KIF21A: variants seen among roughly 807,000 people sequenced by gnomAD.
KIF21A encodes kinesin-like protein KIF21A.
A neutral mutation model predicts 202.9 loss-of-function variants in KIF21A; 114 were observed. The ratio of observed to expected loss-of-function variants is 0.56; its 90% confidence interval spans 0.48 to 0.66. The LOEUF (loss-of-function observed/expected upper bound fraction) is 0.66. KIF21A is among the 30% of genes least tolerant of loss of function. KIF21A has a pLI of 0.00. For missense variants in KIF21A, 1,677 were observed against 1,994.9 expected, an observed-to-expected ratio of 0.84 and a Z score of 3.04; for synonymous variants, 667 against 670.8, an observed-to-expected ratio of 0.99 and a Z score of 0.09.
chr12:39,319,400 A>G (rs545418413), intron 28 of KIF21A, among the ~76,000 whole-genome samples: 1 of 152,320 alleles, frequency 6.6e-6, no homozygotes, highest in East Asian at 1.9e-4. Context: ...CAAAACACAC[A>G]GAAGAAACAT....
intron 1 of KIF21A, among the ~76,000 whole-genome samples, chr12:39,424,044 A>C (rs1418433667): frequency 6.9e-6 from 1 of 145,252 alleles, no homozygotes; most frequent in Admixed American, 7.1e-5. Context: ...TCATCTTCCC[A>C]CTCTCATATC....
intron 26 of KIF21A, 36 bp from the exon 27 acceptor site, chr12:39,322,918 A>T (rs1945437773): frequency 7.3e-7 from 1 of 1,367,806 alleles, no homozygotes; most frequent in African/African-American, 1.5e-5. Context: ...AATCAGGAGC[A>T]AACTCTTGCA....
At chr12:39,399,089 T>G (rs1005434511) in intron 1 of KIF21A, among the ~76,000 whole-genome samples, 1 of 151,980 alleles carries the variant, frequency 6.6e-6, no homozygotes, top group Non-Finnish European at 1.5e-5. Context: ...CATGGTGGCA[T>G]GCACCTGTAG....
intron 1 of KIF21A, among the ~76,000 whole-genome samples, chr12:39,407,130 T>C (rs1274875362): frequency 6.6e-6 from 1 of 152,228 alleles, no homozygotes; most frequent in African/African-American, 2.4e-5. Flanking sequence ...TCCTGCATTG[T>C]CGATTCTTCC....
At chr12:39,305,949 T>C (rs1309694463) in intron 34 of KIF21A, among the ~76,000 whole-genome samples, 2 of 152,236 alleles carry the variant, frequency 1.3e-5, no homozygotes, top group African/African-American at 2.4e-5. Flanking sequence ...CATATATCTA[T>C]GTACACACAT....
intron 1 of KIF21A, among the ~76,000 whole-genome samples, chr12:39,391,343 G>A (rs1042718457): frequency 1.6e-4 from 25 of 152,078 alleles, no homozygotes; most frequent in Non-Finnish European, 3.2e-4. Context: ...GATAGCTACA[G>A]TTCAGTTGAC....
At chr12:39,366,996 T>C (rs1344697478) in intron 5 of KIF21A, 34 bp downstream of exon 5, 3 of 1,595,546 alleles carry the variant, frequency 1.9e-6, no homozygotes, top group East Asian at 2.2e-5. Context: ...GAGATAAAAA[T>C]TGAAAGTTTA....
intron 29 of KIF21A, among the ~76,000 whole-genome samples, chr12:39,317,836 T>C (rs779605257): frequency 6.6e-6 from 1 of 152,186 alleles, no homozygotes. Context: ...GCAAGACAAG[T>C]GCTGAAGGCA....
intron 6 of KIF21A, 28 bp downstream of exon 6, chr12:39,366,322 T>C (rs745488672): frequency 4.4e-6 from 7 of 1,598,434 alleles, no homozygotes; most frequent in South Asian, 2.2e-5. Flanking sequence ...AGCTCTGATA[T>C]ATTCTCAGCA....
At chr12:39,347,684 C>A (rs1229708773) in intron 11 of KIF21A, among the ~76,000 whole-genome samples, 1 of 151,970 alleles carries the variant, frequency 6.6e-6, no homozygotes, top group Admixed American at 6.6e-5. Flanking sequence ...GAGAAAAAGT[C>A]TACAAATATA....
chr12:39,356,347 T>A (rs939624136), intron 10 of KIF21A, among the ~76,000 whole-genome samples: 1 of 152,166 alleles, frequency 6.6e-6, no homozygotes, highest in Non-Finnish European at 1.5e-5. Flanking sequence ...ATGTGTGGCA[T>A]GTTGTATGAA....
chr12:39,311,100 C>G (rs1943983933), intron 32 of KIF21A, among the ~76,000 whole-genome samples: 1 of 151,900 alleles, frequency 6.6e-6, no homozygotes, highest in South Asian at 2.1e-4. Flanking sequence ...TTCTCTTTCC[C>G]ATATTGTATA....
chr12:39,363,257 C>T, intron 6 of KIF21A, 44 bp from the exon 7 acceptor site: 1 of 1,091,896 alleles, frequency 9.2e-7, no homozygotes. Flanking sequence ...TACAAATTTA[C>T]TAATTATAAC....
chr12:39,369,630 T>C (rs1949822429), intron 3 of KIF21A, 99 bp downstream of exon 3: 1 of 853,108 alleles, frequency 1.2e-6, no homozygotes, highest in African/African-American at 1.7e-5. Flanking sequence ...TTGAGTACTA[T>C]CTTCAAAGCA....
intron 35 of KIF21A, among the ~76,000 whole-genome samples, chr12:39,304,386 C>T (rs183262667): frequency 1.2e-4 from 18 of 152,314 alleles, no homozygotes; most frequent in African/African-American, 4.3e-4. Context: ...ATTTTAAACT[C>T]TAGACTTGAA....
At chr12:39,413,622 T>C (rs548953290) in intron 1 of KIF21A, among the ~76,000 whole-genome samples, 1 of 152,302 alleles carries the variant, frequency 6.6e-6, no homozygotes, top group Non-Finnish European at 1.5e-5. Context: ...ACACATATCA[T>C]AGAATACAAA....
chr12:39,353,176 A>C (rs1296053858), intron 10 of KIF21A, among the ~76,000 whole-genome samples: 1 of 152,058 alleles, frequency 6.6e-6, no homozygotes, highest in Non-Finnish European at 1.5e-5. Flanking sequence ...TTGCCTACCA[A>C]AATTATTCAT....
intron 36 of KIF21A, among the ~76,000 whole-genome samples, chr12:39,302,148 A>G (rs1943020531): frequency 6.6e-6 from 1 of 152,222 alleles, no homozygotes; most frequent in Non-Finnish European, 1.5e-5. Flanking sequence ...TATATATTTC[A>G]TGATGAGTAA....
intron 37 of KIF21A, 86 bp downstream of exon 37, chr12:39,301,394 T>C (rs373720884): frequency 9.6e-7 from 1 of 1,036,890 alleles, no homozygotes; most frequent in South Asian, 1.3e-5. Flanking sequence ...ATTTTGTATA[T>C]TCAACGTTTC....
Sources: gnomAD v4.1 joint callset for allele counts (sites outside exome capture counted in the v4.1 genomes callset) on GRCh38, gnomAD v4.1.1 for gene constraint, MANE v1.5 for transcripts, NCBI Gene and HGNC (gene_info 2026-07-23, HGNC 2026-07-21) for gene names.